Variants in PHF24 observed in about 807,000 individuals in gnomAD.
PHF24 encodes the protein PHD finger protein 24, also known as Galpha inhibitory interacting protein.
PHF24 carries 25 observed loss-of-function variants against 42.6 expected under a neutral mutation model. The observed-to-expected ratio is 0.59, with a 90% CI of 0.43 to 0.82. PHF24 has a LOEUF of 0.82. Among genes scored for constraint, PHF24 ranks in the 40% least tolerant of loss-of-function variants. The pLI is 0.00. For synonymous variants in PHF24, 185 were observed against 204.8 expected (o/e 0.90, Z 0.83); for missense variants, 470 against 538.1 (o/e 0.87, Z 1.25).
At chr9:34,749,558 C>A in the PHF24 span, among the ~76,000 whole-genome samples, 2 of 140,374 alleles carry the variant, frequency 1.4e-5, no homozygotes, top group Non-Finnish European at 3.2e-5. Context: ...CACAGTGAGA[C>A]CCTGTCTCAA....
chr9:34,919,144 T>G, the PHF24 span, among the ~76,000 whole-genome samples: 1 of 152,198 alleles, frequency 6.6e-6, no homozygotes, highest in African/African-American at 2.4e-5. Flanking sequence ...TATACGTGTT[T>G]ACTATGATTA....
chr9:34,934,944 T>C, the PHF24 span, among the ~76,000 whole-genome samples: 1 of 152,208 alleles, frequency 6.6e-6, no homozygotes, highest in Non-Finnish European at 1.5e-5. Context: ...AGAAGCAATT[T>C]ACTCTCTGAC....
chr9:34,692,085 C>T, the PHF24 span, among the ~76,000 whole-genome samples: 1 of 152,196 alleles, frequency 6.6e-6, no homozygotes, highest in Middle Eastern at 3.4e-3. Context: ...AGTGACTTCC[C>T]ATCCTTATGA....
At chr9:34,709,955 C>T in the PHF24 span, 1 of 1,614,112 alleles carries the variant, frequency 6.2e-7, no homozygotes, top group South Asian at 1.1e-5. Flanking sequence ...ATCCAGGCCT[C>T]TTGATCCCCT....
the PHF24 span, among the ~76,000 whole-genome samples, chr9:34,886,834 GTATC>G: frequency 3.4e-5 from 5 of 148,692 alleles, no homozygotes; most frequent in African/African-American, 7.5e-5. Flanking sequence ...ATGTATCTAT[GTATC>G]TATCTATCTA....
At chr9:34,839,080 G>A in the PHF24 span, among the ~76,000 whole-genome samples, 4 of 152,184 alleles carry the variant, frequency 2.6e-5, no homozygotes, top group Non-Finnish European at 5.9e-5. Context: ...CAAGGTGGCC[G>A]TATCTATCCA....
At chr9:34,944,142 A>T in the PHF24 span, among the ~76,000 whole-genome samples, 1 of 152,212 alleles carries the variant, frequency 6.6e-6, no homozygotes. Context: ...GTCTCTAAGA[A>T]CCACCCTATT....
At chr9:34,820,142 A>G in the PHF24 span, among the ~76,000 whole-genome samples, 1 of 149,300 alleles carries the variant, frequency 6.7e-6, no homozygotes, top group South Asian at 2.1e-4. Flanking sequence ...ATATAAATAT[A>G]AATATATATA....
the PHF24 span, among the ~76,000 whole-genome samples, chr9:34,744,272 T>C: frequency 6.6e-6 from 1 of 152,216 alleles, no homozygotes; most frequent in East Asian, 1.9e-4. Context: ...ATATCATCAG[T>C]GGCTTCACTG....
At chr9:34,709,545 GC>G in the PHF24 span, 1 of 1,614,106 alleles carries the variant, frequency 6.2e-7, no homozygotes, top group South Asian at 1.1e-5. Context: ...AGTCTTGGAG[GC>G]CCCCCTGTCC....
At chr9:34,709,206 C>G in the PHF24 span, 1 of 725,098 alleles carries the variant, frequency 1.4e-6, no homozygotes, top group Non-Finnish European at 2.3e-6. Flanking sequence ...CTGTGGGCAG[C>G]TCAGCCATGC....
the PHF24 span, among the ~76,000 whole-genome samples, chr9:34,934,034 G>T: frequency 0.037 from 5,627 of 152,108 alleles, 163 homozygotes; most frequent in Non-Finnish European, 0.05. Context: ...CCTTCCAGAT[G>T]ATATATTTTT....
At chr9:34,714,030 A>G in the PHF24 span, among the ~76,000 whole-genome samples, 2 of 151,840 alleles carry the variant, frequency 1.3e-5, no homozygotes, top group Non-Finnish European at 2.9e-5. Context: ...GGAGGGGGAT[A>G]AAGAGGTGGT....
the PHF24 span, among the ~76,000 whole-genome samples, chr9:34,828,786 T>G: frequency 6.6e-6 from 1 of 152,242 alleles, no homozygotes; most frequent in East Asian, 1.9e-4. Context: ...TGGCTACTGC[T>G]TCTTTGTTCC....
chr9:34,685,221 C>T, the PHF24 span, among the ~76,000 whole-genome samples: 1 of 152,168 alleles, frequency 6.6e-6, no homozygotes, highest in Non-Finnish European at 1.5e-5. Context: ...AGATCCCCAG[C>T]ACTCTTCCTA....
chr9:34,940,567 C>A, the PHF24 span, among the ~76,000 whole-genome samples: 1 of 152,148 alleles, frequency 6.6e-6, no homozygotes, highest in Non-Finnish European at 1.5e-5. Flanking sequence ...AGGCCAGCAA[C>A]ATAGTGAGAC....
chr9:34,883,721 G>T, the PHF24 span, among the ~76,000 whole-genome samples: 1 of 152,190 alleles, frequency 6.6e-6, no homozygotes, highest in Non-Finnish European at 1.5e-5. Flanking sequence ...AACAACAGGT[G>T]CTGGAGAGGA....
chr9:34,772,056 C>T, the PHF24 span, among the ~76,000 whole-genome samples: 1 of 152,186 alleles, frequency 6.6e-6, no homozygotes, highest in East Asian at 1.9e-4. Context: ...TAATTCTGAA[C>T]ATTAAATCAG....
At chr9:34,912,902 T>G in the PHF24 span, among the ~76,000 whole-genome samples, 1 of 152,150 alleles carries the variant, frequency 6.6e-6, no homozygotes, top group Non-Finnish European at 1.5e-5. Flanking sequence ...ACAAATACCT[T>G]AAAGTGGCTA....
Sources: gnomAD v4.1 joint callset for allele counts (sites outside exome capture counted in the v4.1 genomes callset) on GRCh38, gnomAD v4.1.1 for gene constraint, MANE v1.5 for transcripts, NCBI Gene and HGNC (gene_info 2026-07-23, HGNC 2026-07-21) for gene names.